The following SGCZ variants were observed in gnomAD, a reference collection of about 807,000 sequenced individuals.
The protein encoded by SGCZ is zeta-sarcoglycan.
In SGCZ, 40 loss-of-function variants were observed where a neutral mutation model predicts 41.3. That is an observed-to-expected ratio of 0.97 (90% CI 0.75 to 1.26). The LOEUF (loss-of-function observed/expected upper bound fraction) is 1.26, where lower values mean the gene tolerates loss of function less well. SGCZ is among the 50% of genes most tolerant of loss of function. The pLI, the probability that SGCZ is intolerant of heterozygous loss-of-function variation, is 0.00. For missense variants in SGCZ, 552 were observed against 369.8 expected (o/e 1.49, Z -4.04); for synonymous variants, 206 against 137.5 (o/e 1.50, Z -3.49).
chr8:14,386,021 G>A (rs10282824), intron 2 of SGCZ, among the ~76,000 whole-genome samples: 1 of 151,924 alleles, frequency 6.6e-6, no homozygotes, highest in Admixed American at 6.6e-5. Flanking sequence ...TACTTTTAAT[G>A]TCTATTATTC....
intron 1 of SGCZ, among the ~76,000 whole-genome samples, chr8:15,219,797 G>A (rs1801530863): frequency 6.6e-6 from 1 of 152,280 alleles, no homozygotes; most frequent in East Asian, 1.9e-4. Context: ...CGAAATAGCA[G>A]TGAGACCAGT....
chr8:14,424,257 C>A (rs1215099552), intron 2 of SGCZ, among the ~76,000 whole-genome samples: 2 of 152,092 alleles, frequency 1.3e-5, no homozygotes, highest in Non-Finnish European at 2.9e-5. Flanking sequence ...GGCTTCTCTG[C>A]AATGTTAGGT....
At chr8:14,638,406 A>C (rs1806906440) in intron 1 of SGCZ, among the ~76,000 whole-genome samples, 1 of 151,828 alleles carries the variant, frequency 6.6e-6, no homozygotes, top group South Asian at 2.1e-4. Flanking sequence ...TACATTCTCA[A>C]TGTCTCCCAG....
chr8:14,226,098 C>A (rs888419994), intron 4 of SGCZ, among the ~76,000 whole-genome samples: 1 of 151,966 alleles, frequency 6.6e-6, no homozygotes, highest in African/African-American at 2.4e-5. Context: ...GTTATAAAAA[C>A]CCAGGCATAC....
chr8:14,575,737 T>C (rs1804687594), intron 1 of SGCZ, among the ~76,000 whole-genome samples: 1 of 151,952 alleles, frequency 6.6e-6, no homozygotes, highest in African/African-American at 2.4e-5. Context: ...TGAAACCCCA[T>C]CTCTACTAAA....
chr8:14,516,572 A>G (rs1002684385), intron 2 of SGCZ, among the ~76,000 whole-genome samples: 5 of 152,106 alleles, frequency 3.3e-5, no homozygotes, highest in African/African-American at 9.6e-5. Context: ...TTTCACAAAC[A>G]CCTGGACCAC....
chr8:14,613,107 G>T (rs1156590069), intron 1 of SGCZ, among the ~76,000 whole-genome samples: 7 of 152,314 alleles, frequency 4.6e-5, no homozygotes, highest in Middle Eastern at 3.4e-3. Flanking sequence ...CATGCACCCT[G>T]CCTGGCACTC....
chr8:14,361,328 C>T (rs904093823), intron 2 of SGCZ, among the ~76,000 whole-genome samples: 32 of 152,152 alleles, frequency 2.1e-4, no homozygotes, highest in Non-Finnish European at 4.4e-5. Flanking sequence ...AGCAATCAAA[C>T]GTAGATTTGG....
intron 1 of SGCZ, among the ~76,000 whole-genome samples, chr8:15,086,175 T>C (rs149751317): frequency 4.6e-5 from 7 of 152,278 alleles, no homozygotes; most frequent in African/African-American, 1.7e-4. Flanking sequence ...ACAAGCAAAA[T>C]ATTAAAATTC....
chr8:14,479,584 C>G (rs796826670), intron 2 of SGCZ, among the ~76,000 whole-genome samples: 15 of 152,190 alleles, frequency 9.9e-5, no homozygotes, highest in African/African-American at 3.6e-4. Flanking sequence ...AGCTATCATC[C>G]CTGCAATTTT....
chr8:14,325,743 CACACATATATATATATATAT>C (rs1399719965), intron 2 of SGCZ, among the ~76,000 whole-genome samples: 22,033 of 64,724 alleles, frequency 0.34, 2,692 homozygotes, highest in South Asian at 0.43. Context: ...CACACACACA[CACACATATATATATATATAT>C]ATATATATAT....
chr8:14,991,688 ATCC>A (rs1229898389), intron 1 of SGCZ, among the ~76,000 whole-genome samples: 1 of 151,612 alleles, frequency 6.6e-6, no homozygotes, highest in African/African-American at 2.4e-5. Flanking sequence ...CCTCTCACCC[ATCC>A]TCCTCATCCA....
intron 5 of SGCZ, among the ~76,000 whole-genome samples, chr8:14,138,030 A>G (rs536502308): frequency 6.6e-6 from 1 of 152,346 alleles, no homozygotes; most frequent in South Asian, 2.1e-4. Flanking sequence ...AATATGCAAC[A>G]TTCTTAAAGA....
chr8:14,993,373 G>T lies in SGCZ; in HGVS notation c.39+244212C>A, dbSNP rs1802092640. 2.0e-5 allele frequency among the ~76,000 whole-genome samples: 3 copies of T among 152,206 alleles called. No homozygotes were observed. The South Asian group carries it at 6.2e-4, about 32-fold the overall frequency. On this transcript the variant is annotated intron_variant, in intron 1 of 7. Transcript: ENST00000382080. ...AACCACAGGCTATTCTAGGAATGGG[G>T]CTTGAGCAGCAAAATAAGAGATGAA...
At chr8:15,159,444 T>A (rs566821433) in intron 1 of SGCZ, among the ~76,000 whole-genome samples, 15 of 152,280 alleles carry the variant, frequency 9.9e-5, no homozygotes, top group Non-Finnish European at 5.9e-5. Context: ...TTCCTGAGGC[T>A]TGGGCTTGTG....
intron 1 of SGCZ, among the ~76,000 whole-genome samples, chr8:14,993,322 T>C (rs1429350684): frequency 6.6e-6 from 1 of 152,144 alleles, no homozygotes; most frequent in East Asian, 1.9e-4. Flanking sequence ...AACAAATATT[T>C]ATTAAGCATC....
chr8:14,414,980 C>G (rs1181665896), intron 2 of SGCZ, among the ~76,000 whole-genome samples: 1 of 151,820 alleles, frequency 6.6e-6, no homozygotes, highest in Non-Finnish European at 1.5e-5. Flanking sequence ...TTTCTTAGTT[C>G]ATTTAATAAT....
chr8:14,581,032 G>T (rs1804871128), intron 1 of SGCZ, among the ~76,000 whole-genome samples: 1 of 152,202 alleles, frequency 6.6e-6, no homozygotes, highest in Non-Finnish European at 1.5e-5. Context: ...TATCCTGTGA[G>T]ATACTTTCCT....
intron 2 of SGCZ, among the ~76,000 whole-genome samples, chr8:14,420,858 G>C (rs1585486359): frequency 6.6e-6 from 1 of 152,134 alleles, no homozygotes; most frequent in Non-Finnish European, 1.5e-5. Context: ...AACTCTATTA[G>C]AATAAAGGAA....
Sources: allele counts gnomAD v4.1 joint callset (sites outside exome capture counted in the v4.1 genomes callset), GRCh38; gene constraint gnomAD v4.1.1; transcripts MANE v1.5; gene names NCBI Gene and HGNC (gene_info 2026-07-23, HGNC 2026-07-21).